UNC13B: variants seen among roughly 807,000 people sequenced by gnomAD.
UNC13B encodes protein unc-13 homolog B.
UNC13B carries 144 observed loss-of-function variants against 211.0 expected under a neutral mutation model. The ratio of observed to expected loss-of-function variants is 0.68; its 90% CI spans 0.60 to 0.78. UNC13B has a LOEUF of 0.78. UNC13B is among the 30% of genes least tolerant of loss of function. The pLI, the probability that UNC13B is intolerant of heterozygous loss-of-function variation, is 0.00. For missense variants in UNC13B, 1,777 were observed against 2,002.0 expected, an observed-to-expected ratio of 0.89 and a Z score of 2.14; for synonymous variants, 709 against 725.8, an observed-to-expected ratio of 0.98 and a Z score of 0.37.
chr9:35,278,007 A>G (rs1317396565), intron 7 of UNC13B, among the ~76,000 whole-genome samples: 2 of 152,200 alleles, frequency 1.3e-5, no homozygotes, highest in Non-Finnish European at 2.9e-5. Flanking sequence ...TACTTTTGAA[A>G]GAACTAATCG....
At chr9:35,269,334 C>T (rs1308674482) in intron 7 of UNC13B, among the ~76,000 whole-genome samples, 1 of 152,176 alleles carries the variant, frequency 6.6e-6, no homozygotes, top group East Asian at 1.9e-4. Flanking sequence ...TGAAATGATA[C>T]ATTGGAGGAA....
At chr9:35,343,374 CT>C (rs1434759455) in intron 11 of UNC13B, among the ~76,000 whole-genome samples, 1 of 152,124 alleles carries the variant, frequency 6.6e-6, no homozygotes, top group African/African-American at 2.4e-5. Flanking sequence ...AAATTATGTT[CT>C]TGTCTGTGAG....
chr9:35,384,089 A>G (rs1299227663), intron 21 of UNC13B, among the ~76,000 whole-genome samples, 157 bp from the exon 22 acceptor site: 1 of 151,930 alleles, frequency 6.6e-6, no homozygotes, highest in Non-Finnish European at 1.5e-5. Flanking sequence ...TTTCCGTTAC[A>G]CTGTTTGTTG....
intron 7 of UNC13B, among the ~76,000 whole-genome samples, chr9:35,264,046 T>A (rs1226050178): frequency 6.6e-6 from 1 of 152,114 alleles, no homozygotes; most frequent in Admixed American, 6.6e-5. Context: ...CTGAAACAAA[T>A]ACCAAAAAAT....
intron 26 of UNC13B, among the ~76,000 whole-genome samples, chr9:35,392,838 G>T (rs1835626785): frequency 6.6e-6 from 1 of 151,438 alleles, no homozygotes; most frequent in Non-Finnish European, 1.5e-5. Context: ...TTAAAAAAAA[G>T]AAAAGAAAAG....
Position 35,375,137 on chromosome 9 carries a change from A to G in UNC13B, c.9551A>G (p.Gln3184Arg). 6.2e-7 allele frequency: 1 copy of G among 1,614,184 alleles called. No individual in the cohort carries two copies. The highest frequency in any genetic ancestry group is 8.5e-7 in the Non-Finnish European group (1 of 1,180,004). ...LPLVSDLSLV[Q>R]SRKAGITSAM... ...GATCTTCCCTGACAGTCACTGGTCC[A>G]GTCTCGGAAGGCAGGAATCACTTCT... Residue 3184 changes from glutamine to arginine, a missense_variant, in exon 14 of 40, where the codon CAG becomes CGG. By Grantham distance (43) the Gln-to-Arg change is conservative. Transcript: ENST00000635942.
At chr9:35,186,075 TCATA>T (rs1822344301) in intron 1 of UNC13B, among the ~76,000 whole-genome samples, 1 of 152,102 alleles carries the variant, frequency 6.6e-6, no homozygotes, top group African/African-American at 2.4e-5. Flanking sequence ...ATATGCCTCA[TCATA>T]CAGTGTTCCC....
At chr9:35,297,183 G>A (rs1036638656) in intron 8 of UNC13B, among the ~76,000 whole-genome samples, 8 of 146,014 alleles carry the variant, frequency 5.5e-5, no homozygotes, top group Non-Finnish European at 9.0e-5. Context: ...CAGCATCCCC[G>A]GTTCAAGTGA....
At chr9:35,359,933 C>T (rs1314053009) in intron 11 of UNC13B, among the ~76,000 whole-genome samples, 1 of 152,196 alleles carries the variant, frequency 6.6e-6, no homozygotes, top group Non-Finnish European at 1.5e-5. Context: ...CAATGATTTC[C>T]TGTCTCACTC....
At chr9:35,339,765 G>A (rs1436882060) in intron 11 of UNC13B, among the ~76,000 whole-genome samples, 1 of 152,256 alleles carries the variant, frequency 6.6e-6, no homozygotes, top group Admixed American at 6.5e-5. Context: ...TTAGAAAAAT[G>A]GGCTGGATGT....
intron 5 of UNC13B, among the ~76,000 whole-genome samples, chr9:35,242,470 A>C: frequency 6.6e-6 from 1 of 152,156 alleles, no homozygotes; most frequent in South Asian, 2.1e-4. Flanking sequence ...AGCCACTGGC[A>C]ACGACCATTC....
chr9:35,217,936 G>T (rs2131444968), intron 1 of UNC13B, among the ~76,000 whole-genome samples: 1 of 152,140 alleles, frequency 6.6e-6, no homozygotes, highest in Middle Eastern at 3.4e-3. Flanking sequence ...TAGCTACTCA[G>T]GAGCCTGAGC....
intron 1 of UNC13B, among the ~76,000 whole-genome samples, chr9:35,183,399 G>A (rs1402450632): frequency 7.8e-6 from 1 of 127,730 alleles, no homozygotes; most frequent in Non-Finnish European, 1.7e-5. Flanking sequence ...CGGGGCGGCC[G>A]GGCAGAGGCT....
chr9:35,272,595 G>T (rs1420533903), intron 7 of UNC13B, among the ~76,000 whole-genome samples: 3 of 152,062 alleles, frequency 2.0e-5, no homozygotes, highest in Non-Finnish European at 2.9e-5. Context: ...GTACTTTCCA[G>T]ATTTCCTCCA....
intron 1 of UNC13B, among the ~76,000 whole-genome samples, chr9:35,196,027 C>T (rs1219057183): frequency 6.6e-6 from 1 of 152,028 alleles, no homozygotes; most frequent in Non-Finnish European, 1.5e-5. Context: ...TATACTATTC[C>T]TATCTTTTGT....
chr9:35,203,739 A>G (rs1456895290), intron 1 of UNC13B, among the ~76,000 whole-genome samples: 3 of 152,224 alleles, frequency 2.0e-5, no homozygotes, highest in Non-Finnish European at 4.4e-5. Context: ...ATGAGCAAGG[A>G]AATGACCTGA....
chr9:35,402,047 T>C (rs1836337349), intron 37 of UNC13B: 1 of 1,539,566 alleles, frequency 6.5e-7, no homozygotes, highest in Admixed American at 2.0e-5. Context: ...TAACATGGGC[T>C]AACACTGACC....
At chr9:35,388,779 A>C (rs537723183) in intron 24 of UNC13B, among the ~76,000 whole-genome samples, 30 of 152,218 alleles carry the variant, frequency 2.0e-4, no homozygotes, top group Admixed American at 7.2e-4. Context: ...TAAGGAATTT[A>C]AACTGTATTG....
chr9:35,319,261 G>C (rs1248416576), intron 11 of UNC13B, among the ~76,000 whole-genome samples: 1 of 151,684 alleles, frequency 6.6e-6, no homozygotes, highest in Non-Finnish European at 1.5e-5. Context: ...AAATTAGCCG[G>C]GTGTGGTGGT....
Sources: gnomAD v4.1 joint callset for allele counts (sites outside exome capture counted in the v4.1 genomes callset) on GRCh38, gnomAD v4.1.1 for gene constraint, MANE v1.5 for transcripts, NCBI Gene and HGNC (gene_info 2026-07-23, HGNC 2026-07-21) for gene names.